STARD13: variants seen among roughly 807,000 people sequenced by gnomAD.
STARD13 encodes StAR related lipid transfer domain containing 13.
STARD13 carries 62 observed loss-of-function variants against 106.4 expected under a neutral mutation model. The ratio of observed to expected loss-of-function variants is 0.58; its 90% confidence interval spans 0.48 to 0.72. The LOEUF is 0.72. STARD13 is among the 30% of genes least tolerant of loss of function. STARD13 has a pLI of 0.00. For synonymous variants in STARD13, 565 were observed against 553.0 expected (o/e 1.02, Z -0.31); for missense variants, 1,387 against 1,424.0 (o/e 0.97, Z 0.42).
the STARD13 span, among the ~76,000 whole-genome samples, chr13:33,609,499 A>C: frequency 1.9e-4 from 29 of 152,114 alleles, no homozygotes; most frequent in African/African-American, 6.8e-4. Context: ...CTTGGAGAGC[A>C]ATTTGTCAAT....
the STARD13 span, among the ~76,000 whole-genome samples, chr13:33,533,562 CT>C: frequency 2.1e-4 from 31 of 149,004 alleles, no homozygotes; most frequent in South Asian, 1.1e-3. Flanking sequence ...AAACAAAGCT[CT>C]TTTTTTTTTG....
chr13:33,306,620 C>T (rs1158075150), intron 1 of STARD13, among the ~76,000 whole-genome samples: 1 of 151,948 alleles, frequency 6.6e-6, no homozygotes, highest in Non-Finnish European at 1.5e-5. Flanking sequence ...GGAACTTAAA[C>T]AAATTTACAA....
chr13:33,218,208 A>G (rs1001922299), intron 1 of STARD13, among the ~76,000 whole-genome samples: 2 of 152,222 alleles, frequency 1.3e-5, no homozygotes, highest in African/African-American at 4.8e-5. Context: ...GTTCCAAGCT[A>G]AGGAATCCAG....
At chr13:33,579,863 A>G in the STARD13 span, among the ~76,000 whole-genome samples, 338 of 152,090 alleles carry the variant, frequency 2.2e-3, 2 homozygotes, top group African/African-American at 7.6e-3. Context: ...TAAAACAATA[A>G]TGAAATACCA....
rs528506912 is a variant in STARD13 at position 33,159,414 on chromosome 13, C to T, written c.323+5923G>A. On this transcript the variant is annotated intron_variant, in intron 3 of 13. Coordinates refer to ENST00000336934, the MANE Select transcript of STARD13 (RefSeq NM_178006.4). The stretch of plus-strand genomic sequence containing the variant: ...TCAAGGCATCTCAGATCACATGCAG[C>T]AGCAAGTGGATAAGGATTCAACACC... Among the ~76,000 whole-genome samples, 9 of 152,298 alleles carry T rather than the reference C, an allele frequency of 5.9e-5. No individual in the cohort carries two copies. In the South Asian group the frequency reaches 1.9e-3, roughly 32 times the overall value.
chr13:33,318,830 G>A (rs1893441089), intron 1 of STARD13, among the ~76,000 whole-genome samples: 1 of 152,256 alleles, frequency 6.6e-6, no homozygotes, highest in Middle Eastern at 3.4e-3. Flanking sequence ...GTCATTAAGA[G>A]TATGCATGTC....
the STARD13 span, among the ~76,000 whole-genome samples, chr13:33,440,148 A>G: frequency 8.8e-3 from 1,331 of 152,030 alleles, 7 homozygotes; most frequent in Non-Finnish European, 0.013. Context: ...GCATGGTGGC[A>G]TGTGCCTGTA....
At chr13:33,618,014 G>A in the STARD13 span, among the ~76,000 whole-genome samples, 2 of 152,182 alleles carry the variant, frequency 1.3e-5, no homozygotes, top group East Asian at 1.9e-4. Context: ...CTTGCAAAAA[G>A]CAAAGATGCA....
chr13:33,455,417 TTAC>T, the STARD13 span, among the ~76,000 whole-genome samples: 3 of 152,118 alleles, frequency 2.0e-5, no homozygotes, highest in East Asian at 5.8e-4. Flanking sequence ...ATGCCCCATA[TTAC>T]CTTTTACACC....
intron 1 of STARD13, among the ~76,000 whole-genome samples, chr13:33,282,090 A>G (rs951215615): frequency 1.3e-5 from 2 of 152,060 alleles, no homozygotes; most frequent in Admixed American, 6.6e-5. Context: ...CCTCTCTCCT[A>G]TCCACTCCCA....
the STARD13 span, among the ~76,000 whole-genome samples, chr13:33,672,165 C>T: frequency 6.2e-3 from 948 of 152,312 alleles, 2 homozygotes; most frequent in Middle Eastern, 0.02. Flanking sequence ...GGCACATATA[C>T]CATGGAATAC....
chr13:33,416,873 T>C, the STARD13 span, among the ~76,000 whole-genome samples: 1 of 152,208 alleles, frequency 6.6e-6, no homozygotes, highest in Non-Finnish European at 1.5e-5. Context: ...TTAAAAAATT[T>C]GTAATCCAAA....
At chr13:33,318,833 T>C (rs77126146) in intron 1 of STARD13, among the ~76,000 whole-genome samples, 72 of 152,262 alleles carry the variant, frequency 4.7e-4, no homozygotes, top group African/African-American at 1.7e-3. Context: ...ATTAAGAGTA[T>C]GCATGTCAAA....
chr13:33,107,881 A>G (rs1387814547), intron 12 of STARD13, among the ~76,000 whole-genome samples: 12 of 152,180 alleles, frequency 7.9e-5, no homozygotes, highest in African/African-American at 2.9e-4. Context: ...TAGAATTCCC[A>G]TGATTTACTC....
chr13:33,367,828 T>C, the STARD13 span, among the ~76,000 whole-genome samples: 4 of 151,976 alleles, frequency 2.6e-5, no homozygotes, highest in African/African-American at 9.7e-5. Flanking sequence ...TGTAGTGGAG[T>C]GTGATAAGGA....
At chr13:33,126,049 G>C in intron 7 of STARD13, 32 bp downstream of exon 7, 2 of 1,609,618 alleles carry the variant, frequency 1.2e-6, no homozygotes, top group Non-Finnish European at 8.5e-7. Flanking sequence ...GTTGGGGGTG[G>C]TGGGGCAGCA....
the STARD13 span, among the ~76,000 whole-genome samples, chr13:33,433,755 T>C: frequency 6.6e-6 from 1 of 152,216 alleles, no homozygotes; most frequent in South Asian, 2.1e-4. Flanking sequence ...ATATGGCCTG[T>C]GTCCCTGTCA....
At position 33,112,890 on chromosome 13, in the gene STARD13, T is replaced by A; in HGVS notation, c.2323A>T (p.Ile775Phe). 6.2e-7 allele frequency: 1 copy of A among 1,613,498 alleles called. No individual in the cohort carries two copies. The highest frequency in any genetic ancestry group is 8.5e-7 in the Non-Finnish European group (1 of 1,179,746). The change falls in exon 9 of 14, where the codon ATC becomes TTC. Residue 775 changes from isoleucine to phenylalanine, a missense_variant. By Grantham distance (21) the Ile-to-Phe change is conservative. Transcript: ENST00000336934. Reference protein sequence around the residue: ...EQRLQAVQAAILLLADENREV... With the variant: ...EQRLQAVQAAFLLLADENREV... The stretch of plus-strand genomic sequence containing the variant: ...CTGTTCTCATCGGCCAGTAGCAGGA[T>A]GGCAGCCTGCACGGCCTGCAGCCGC...
At chr13:33,500,217 T>C in the STARD13 span, among the ~76,000 whole-genome samples, 1 of 152,114 alleles carries the variant, frequency 6.6e-6, no homozygotes, top group African/African-American at 2.4e-5. Flanking sequence ...TCCATAACAA[T>C]GGATTGAGAA....
Sources: allele counts gnomAD v4.1 joint callset (sites outside exome capture counted in the v4.1 genomes callset), GRCh38; gene constraint gnomAD v4.1.1; transcripts MANE v1.5; gene names NCBI Gene and HGNC (gene_info 2026-07-23, HGNC 2026-07-21).